The following PTPN14 variants were observed in gnomAD, a reference collection of about 807,000 sequenced individuals.
PTPN14 encodes the protein tyrosine-protein phosphatase non-receptor type 14.
PTPN14 carries 53 observed loss-of-function variants against 126.8 expected under a neutral mutation model. The ratio of observed to expected loss-of-function variants is 0.42; its 90% CI spans 0.34 to 0.53. The LOEUF (loss-of-function observed/expected upper bound fraction) is 0.53, where lower values mean the gene tolerates loss of function less well. PTPN14 is among the 20% of genes least tolerant of loss of function. The pLI, the probability that PTPN14 is intolerant of heterozygous loss-of-function variation, is 0.08. For synonymous variants in PTPN14, 630 were observed against 599.3 expected (o/e 1.05, Z -0.75); for missense variants, 1,257 against 1,552.9 (o/e 0.81, Z 3.20).
chr1:214,377,646 T>C (rs1432109070), intron 14 of PTPN14, among the ~76,000 whole-genome samples: 6 of 152,154 alleles, frequency 3.9e-5, no homozygotes, highest in Admixed American at 1.3e-4. Context: ...GTTTAACTTG[T>C]GCATTTTACA....
chr1:214,493,901 A>C (rs1296942074), intron 1 of PTPN14, among the ~76,000 whole-genome samples: 1 of 152,218 alleles, frequency 6.6e-6, no homozygotes, highest in Non-Finnish European at 1.5e-5. Context: ...TTAAAATTTA[A>C]AAAATTTAAA....
At chr1:214,444,344 AGGAGGAGAATTT>A (rs1558105030) in intron 3 of PTPN14, among the ~76,000 whole-genome samples, 1 of 152,226 alleles carries the variant, frequency 6.6e-6, no homozygotes, top group Admixed American at 6.5e-5. Context: ...GGAGCTGGCC[AGGAGGAGAATTT>A]GCTATTCTCA....
chr1:214,364,704 C>A lies in PTPN14; in HGVS notation c.3272-29G>T. 1 of 1,597,556 alleles carries A rather than the reference C, an allele frequency of 6.3e-7. No individual in the cohort carries two copies. Among genetic ancestry groups the A allele is most frequent in the Non-Finnish European group, 8.5e-7 (1 of 1,171,614 alleles). ...CAGGACAAAATGCAAATTCTGTCACCAAAGTCCTCCATGGCTTCGCATGTA... is the reference window on the plus strand; with the variant it reads ...CAGGACAAAATGCAAATTCTGTCACAAAAGTCCTCCATGGCTTCGCATGTA... On this transcript the variant is annotated intron_variant, in intron 17 of 18. Coordinates refer to ENST00000366956, the MANE Select transcript of PTPN14 (RefSeq NM_005401.5). The surrounding 1 kb of genome is among the most constrained non-coding windows in gnomAD (Gnocchi z 4.1).
At chr1:214,406,030 G>A (rs922917300) in intron 5 of PTPN14, among the ~76,000 whole-genome samples, 5 of 152,206 alleles carry the variant, frequency 3.3e-5, no homozygotes, top group African/African-American at 7.2e-5. Context: ...AAAGTGGACA[G>A]CTGATAACTA....
At chr1:214,455,631 C>G (rs758148700) in intron 2 of PTPN14, among the ~76,000 whole-genome samples, 23 of 152,146 alleles carry the variant, frequency 1.5e-4, no homozygotes, top group East Asian at 3.9e-4. Flanking sequence ...GAACCACATC[C>G]CTGAACCACT....
chr1:214,432,351 G>C (rs544223278), intron 3 of PTPN14, among the ~76,000 whole-genome samples: 59 of 152,206 alleles, frequency 3.9e-4, no homozygotes, highest in Admixed American at 7.2e-4. Context: ...AGAAACATAA[G>C]ACCAAGTATT....
intron 1 of PTPN14, among the ~76,000 whole-genome samples, chr1:214,495,675 AT>A (rs540494459): frequency 2.8e-5 from 1 of 35,838 alleles, no homozygotes; most frequent in African/African-American, 6.1e-5. Context: ...TTATTTATTT[AT>A]TTATTTATTT....
At chr1:214,465,446 C>G (rs1376687748) in intron 1 of PTPN14, among the ~76,000 whole-genome samples, 1 of 151,232 alleles carries the variant, frequency 6.6e-6, no homozygotes, top group Non-Finnish European at 1.5e-5. Flanking sequence ...CCTGTCTCTA[C>G]AAAAAAATAA....
At chr1:214,531,801 G>A (rs957591311) in intron 1 of PTPN14, 2 of 152,166 alleles carry the variant, frequency 1.3e-5, no homozygotes, top group African/African-American at 4.8e-5. Flanking sequence ...TTCATTTACA[G>A]TTTGTGGGGG....
intron 1 of PTPN14, among the ~76,000 whole-genome samples, chr1:214,526,230 T>C (rs1655393875): frequency 1.3e-5 from 2 of 152,012 alleles, no homozygotes; most frequent in Non-Finnish European, 2.9e-5. Context: ...CCTCCCAAAG[T>C]GCTGGGATTA....
intron 3 of PTPN14, among the ~76,000 whole-genome samples, chr1:214,427,328 C>T (rs928513657): frequency 1.3e-5 from 2 of 150,276 alleles, no homozygotes. Flanking sequence ...TATAAGGCCT[C>T]CTATAATTTG....
At chr1:214,372,886 A>G in intron 15 of PTPN14, 47 bp from the exon 16 acceptor site, 1 of 1,607,038 alleles carries the variant, frequency 6.2e-7, no homozygotes, top group Non-Finnish European at 8.5e-7. Context: ...AGTCCGGACA[A>G]CATTACCTGC....
intron 1 of PTPN14, among the ~76,000 whole-genome samples, chr1:214,470,052 CA>C (rs1322222820): frequency 1.3e-5 from 2 of 152,054 alleles, no homozygotes; most frequent in Admixed American, 6.6e-5. Context: ...TCTGGGAGGC[CA>C]AAGTGGGAGG....
chr1:214,402,858 G>A, intron 6 of PTPN14, 25 bp downstream of exon 6: 1 of 1,611,522 alleles, frequency 6.2e-7, no homozygotes, highest in South Asian at 1.1e-5. Flanking sequence ...TGTGCAGGCA[G>A]CCCCTTACCC....
chr1:214,414,599 T>C (rs1195341066), intron 4 of PTPN14, 30 bp downstream of exon 4: 2 of 1,577,710 alleles, frequency 1.3e-6, no homozygotes, highest in East Asian at 2.2e-5. Context: ...GAAAATGGAA[T>C]TTCACATGCT....
chr1:214,431,143 G>A (rs778528123), intron 3 of PTPN14, among the ~76,000 whole-genome samples: 2 of 152,204 alleles, frequency 1.3e-5, no homozygotes, highest in Non-Finnish European at 2.9e-5. Context: ...GGCTATGTAA[G>A]GAAGCAGAAG....
At chr1:214,514,320 T>A (rs977171664) in intron 1 of PTPN14, among the ~76,000 whole-genome samples, 21 of 152,270 alleles carry the variant, frequency 1.4e-4, no homozygotes, top group African/African-American at 7.2e-5. Context: ...GCCACGACTA[T>A]GATTTTAAGA....
intron 18 of PTPN14, among the ~76,000 whole-genome samples, chr1:214,362,691 A>G (rs994669771): frequency 1.3e-5 from 2 of 152,226 alleles, no homozygotes; most frequent in African/African-American, 2.4e-5. Context: ...AAGGGGAAGT[A>G]GGGAGCGGAG....
At chr1:214,420,731 G>A (rs1659524812) in intron 3 of PTPN14, among the ~76,000 whole-genome samples, 1 of 152,210 alleles carries the variant, frequency 6.6e-6, no homozygotes, top group Admixed American at 6.5e-5. Context: ...TACAGGGAGA[G>A]AGAATGTCCT....
Sources: gnomAD v4.1 joint callset for allele counts (sites outside exome capture counted in the v4.1 genomes callset) on GRCh38, gnomAD v4.1.1 for gene constraint, Gnocchi (gnomAD v3.1) non-coding constraint, MANE v1.5 for transcripts, NCBI Gene and HGNC (gene_info 2026-07-23, HGNC 2026-07-21) for gene names.